Variants in NBAS observed in about 807,000 individuals in gnomAD.
NBAS encodes the protein NBAS subunit of NRZ tethering complex.
Under a neutral mutation model 302.5 loss-of-function variants are expected in NBAS, and 219 were observed. That is an observed-to-expected ratio of 0.72 (90% CI 0.65 to 0.81). The LOEUF is 0.81. Among genes scored for constraint, NBAS ranks in the 30% least tolerant of loss-of-function variants. The probability of loss-of-function intolerance (pLI) is 0.00; values close to 1 mark genes in which losing one functional copy is unlikely to be tolerated. For missense variants in NBAS, 2,932 were observed against 2,841.6 expected (o/e 1.03, Z -0.72); for synonymous variants, 1,118 against 1,021.6 (o/e 1.09, Z -1.80).
intron 45 of NBAS, 81 bp from the exon 46 acceptor site, chr2:15,234,828 A>G: frequency 1.4e-6 from 2 of 1,396,404 alleles, no homozygotes; most frequent in Non-Finnish European, 1.0e-6. Flanking sequence ...ACATATTTAG[A>G]TCCTCGAACC....
the NBAS span, among the ~76,000 whole-genome samples, chr2:14,808,172 T>C: frequency 6.6e-6 from 1 of 152,220 alleles, no homozygotes; most frequent in Non-Finnish European, 1.5e-5. Context: ...ATAGGAATTA[T>C]TTTCCCCATT....
chr2:14,816,763 C>T, the NBAS span, among the ~76,000 whole-genome samples: 1 of 152,198 alleles, frequency 6.6e-6, no homozygotes, highest in African/African-American at 2.4e-5. Flanking sequence ...CCCTACTGTA[C>T]ATTCTTTGGG....
At position 15,468,517 on chromosome 2, in the gene NBAS, C is replaced by A; in HGVS notation, c.1742G>T (p.Arg581Leu). 3 of 1,613,982 alleles carry A rather than the reference C, an allele frequency of 1.9e-6. No individual in the cohort carries two copies. The highest frequency in any genetic ancestry group is 1.1e-5 in the South Asian group (1 of 91,066). ...CAAACACTCATGGAGAACCCAGGAT[C>A]GCTTCTTTATTTTACTCTGCATATA... Reference protein sequence around the residue: ...IQNYLSKIKKRSWVLHECLER... With the variant: ...IQNYLSKIKKLSWVLHECLER... The change falls in exon 17 of 52, where the codon CGA becomes CTA. Residue 581 changes from arginine to leucine, a missense_variant. Transcript: ENST00000281513.
At chr2:14,951,396 G>A in the NBAS span, among the ~76,000 whole-genome samples, 15 of 152,048 alleles carry the variant, frequency 9.9e-5, no homozygotes, top group African/African-American at 3.4e-4. Flanking sequence ...GGGCTTTGTC[G>A]CTGGAGCAGT....
the NBAS span, among the ~76,000 whole-genome samples, chr2:15,057,632 C>A: frequency 6.6e-6 from 1 of 152,134 alleles, no homozygotes; most frequent in African/African-American, 2.4e-5. Flanking sequence ...TATGCCTTTG[C>A]GTCCTCATAG....
chr2:15,165,816 C>T (rs963931435), downstream of NBAS, among the ~76,000 whole-genome samples: 14 of 152,184 alleles, frequency 9.2e-5, no homozygotes, highest in African/African-American at 2.9e-4. Flanking sequence ...CATGACTTAA[C>T]CTTGTGCAAA....
the NBAS span, among the ~76,000 whole-genome samples, chr2:15,027,979 A>T: frequency 2.6e-5 from 4 of 152,188 alleles, no homozygotes; most frequent in East Asian, 7.7e-4. Flanking sequence ...ACTGGAAAAC[A>T]ACTCTGCCTC....
At chr2:14,897,695 C>T in the NBAS span, among the ~76,000 whole-genome samples, 1 of 151,900 alleles carries the variant, frequency 6.6e-6, no homozygotes, top group Non-Finnish European at 1.5e-5. Flanking sequence ...CTCCTCTTTG[C>T]AGCATCTCCT....
At chr2:15,157,521 G>A in the NBAS span, among the ~76,000 whole-genome samples, 1 of 152,062 alleles carries the variant, frequency 6.6e-6, no homozygotes, top group Non-Finnish European at 1.5e-5. Context: ...CTGCTTATTG[G>A]GGCTGCTCCC....
the NBAS span, among the ~76,000 whole-genome samples, chr2:15,050,962 C>T: frequency 6.6e-6 from 1 of 152,308 alleles, no homozygotes; most frequent in Non-Finnish European, 1.5e-5. Context: ...TTTTCCTCCT[C>T]ACAGTAGTGC....
chr2:15,409,348 C>T (rs918899814), intron 25 of NBAS, among the ~76,000 whole-genome samples: 5 of 152,200 alleles, frequency 3.3e-5, no homozygotes, highest in African/African-American at 1.2e-4. Context: ...GAAAGTCCCA[C>T]ATTGAATACT....
At chr2:15,534,815 T>A (rs1194359960) in intron 8 of NBAS, among the ~76,000 whole-genome samples, 174 bp from the exon 9 acceptor site, 1 of 152,150 alleles carries the variant, frequency 6.6e-6, no homozygotes, top group East Asian at 1.9e-4. Flanking sequence ...TAAAACCACT[T>A]GGTAAAAAGT....
intron 44 of NBAS, among the ~76,000 whole-genome samples, chr2:15,260,393 CG>C (rs1558483175): frequency 1.3e-5 from 2 of 152,194 alleles, no homozygotes; most frequent in Non-Finnish European, 2.9e-5. Context: ...GGAAAGACAT[CG>C]GCATTCGTGG....
chr2:14,998,938 TCG>T, the NBAS span, among the ~76,000 whole-genome samples: 17 of 152,244 alleles, frequency 1.1e-4, no homozygotes, highest in African/African-American at 4.1e-4. Context: ...CTGGCAATCA[TCG>T]AATTAGTCCT....
At chr2:14,864,215 G>A in the NBAS span, among the ~76,000 whole-genome samples, 1 of 151,672 alleles carries the variant, frequency 6.6e-6, no homozygotes, top group Non-Finnish European at 1.5e-5. Flanking sequence ...TACTCAGGAG[G>A]CTGAGACAGG....
At chr2:14,939,707 T>A in the NBAS span, among the ~76,000 whole-genome samples, 1 of 152,236 alleles carries the variant, frequency 6.6e-6, no homozygotes, top group East Asian at 1.9e-4. Flanking sequence ...TGCTGAAGGA[T>A]TCCTCAATGG....
At chr2:15,485,158 G>A (rs1370159142) in intron 12 of NBAS, among the ~76,000 whole-genome samples, 1 of 151,728 alleles carries the variant, frequency 6.6e-6, no homozygotes, top group African/African-American at 2.4e-5. Context: ...CTGGTATCTG[G>A]TACACACTAA....
chr2:15,221,352 T>C (rs972127527), intron 47 of NBAS, among the ~76,000 whole-genome samples: 3 of 152,160 alleles, frequency 2.0e-5, no homozygotes, highest in Non-Finnish European at 4.4e-5. Flanking sequence ...AGATAACATA[T>C]ACAAAGCACC....
chr2:15,081,195 T>A, the NBAS span, among the ~76,000 whole-genome samples: 1 of 152,172 alleles, frequency 6.6e-6, no homozygotes, highest in Admixed American at 6.5e-5. Context: ...AAGGTTGCAA[T>A]GGGGTCCTAT....
Sources: allele counts gnomAD v4.1 joint callset (sites outside exome capture counted in the v4.1 genomes callset), GRCh38; gene constraint gnomAD v4.1.1; transcripts MANE v1.5; gene names NCBI Gene and HGNC (gene_info 2026-07-23, HGNC 2026-07-21).